The following NOTCH2NLR variants were observed in gnomAD, a reference collection of about 807,000 sequenced individuals.
The protein encoded by NOTCH2NLR is notch 2 N-terminal like R.
NOTCH2NLR carries 33 observed loss-of-function variants against 35.6 expected under a neutral mutation model. The observed-to-expected ratio is 0.93, with a 90% CI of 0.70 to 1.24. The LOEUF (loss-of-function observed/expected upper bound fraction) is 1.24. NOTCH2NLR is among the 50% of genes most tolerant of loss of function. The pLI is 0.00. For synonymous variants in NOTCH2NLR, 103 were observed against 141.0 expected (o/e 0.73, Z 1.91); for missense variants, 276 against 362.2 (o/e 0.76, Z 1.93).
At chr1:120,784,116 A>G (rs1288128710) in intron 2 of NOTCH2NLR, among the ~76,000 whole-genome samples, 1 of 118,296 alleles carries the variant, frequency 8.5e-6, no homozygotes, top group Admixed American at 8.0e-5. Flanking sequence ...GGACCTCATG[A>G]AAGTGTGGGT....
chr1:120,789,586 G>A (rs1258780385), intron 3 of NOTCH2NLR, among the ~76,000 whole-genome samples: 1 of 93,676 alleles, frequency 1.1e-5, no homozygotes, highest in Non-Finnish European at 1.9e-5. Context: ...CCATGATACA[G>A]TTACCCCACT....
chr1:120,790,084 C>T (rs1651467258), intron 3 of NOTCH2NLR, among the ~76,000 whole-genome samples: 1 of 82,626 alleles, frequency 1.2e-5, no homozygotes, highest in South Asian at 3.7e-4. Flanking sequence ...GGCGCAATCT[C>T]GGTTCACTGC....
At chr1:120,752,571 T>C (rs1651035325) in intron 1 of NOTCH2NLR, among the ~76,000 whole-genome samples, 1 of 36,350 alleles carries the variant, frequency 2.8e-5, no homozygotes. Context: ...TTTTTTTTTT[T>C]TTTCTTTTTT....
At chr1:120,769,260 G>T (rs1274214855) in intron 2 of NOTCH2NLR, among the ~76,000 whole-genome samples, 1 of 151,658 alleles carries the variant, frequency 6.6e-6, no homozygotes, top group African/African-American at 2.4e-5. Flanking sequence ...GTTCTGTTGT[G>T]GTGCTTCTCC....
At chr1:120,760,180 CTTTTTTTTTTTT>C (rs1161423259) in intron 1 of NOTCH2NLR, among the ~76,000 whole-genome samples, 1 of 15,172 alleles carries the variant, frequency 6.6e-5, no homozygotes, top group African/African-American at 7.3e-4. Flanking sequence ...TCTACCACAG[CTTTTTTTTTTTT>C]TTTTTTTTTT....
Position 120,781,924 on chromosome 1 carries a change from G to A in NOTCH2NLR, c.156-3050G>A, listed in dbSNP as rs1178258668. ...TATATAAAATGGAGATTATAATATA[G>A]CACTGGAGCGAGTAATACAAGAGAC... On this transcript the variant is annotated intron_variant, in intron 2 of 4. Transcript: ENST00000624419. Among the ~76,000 whole-genome samples the A allele has an allele frequency of 5.8e-3, 632 of 109,630 alleles. 202 individuals carry two copies. The highest frequency in any genetic ancestry group is 0.035 in the African/African-American group (621 of 17,988). The allele number at this position is 109,630 out of a possible 152,430, so 71.9% of individuals were successfully genotyped here.
chr1:120,756,324 C>A (rs1386651501), intron 1 of NOTCH2NLR, among the ~76,000 whole-genome samples: 1 of 116,724 alleles, frequency 8.6e-6, no homozygotes, highest in Admixed American at 8.3e-5. Context: ...GGCGTAAACT[C>A]AGACTTCATC....
chr1:120,781,689 G>A (rs1218852794), intron 2 of NOTCH2NLR, among the ~76,000 whole-genome samples: 2 of 77,034 alleles, frequency 2.6e-5, no homozygotes, highest in South Asian at 7.0e-4. Context: ...TCAGCCTCCC[G>A]AGTAGCTGGG....
At position 120,737,608 on chromosome 1, in the gene NOTCH2NLR, G is replaced by A. The variant is rs1366453554; in HGVS notation, c.73+13358G>A. ...AGGAGTAGAAAGGGTGTTGGGATGG[G>A]AGAGGTGTGGCTATATTTAAAATTT... On this transcript the variant is annotated intron_variant, in intron 1 of 4. Transcript: ENST00000624419. Among the ~76,000 whole-genome samples, 9 of 85,710 alleles carry A rather than the reference G, an allele frequency of 1.1e-4. 1 individual carries two copies. The highest frequency in any genetic ancestry group is 5.4e-4 in the East Asian group (2 of 3,728). 56.2% of individuals were successfully genotyped at this position (85,710 alleles called of 152,430 possible). A position where few individuals can be genotyped will look rare whatever the true frequency, so the allele number is the denominator to read the frequency against.
intron 1 of NOTCH2NLR, among the ~76,000 whole-genome samples, chr1:120,730,694 T>C (rs1650866437): frequency 1.1e-5 from 1 of 93,608 alleles, no homozygotes; most frequent in Admixed American, 1.0e-4. Flanking sequence ...AGCCATAGCT[T>C]GGAATAAGAA....
In NOTCH2NLR at chr1:120,727,894, A is replaced by T. The variant is rs1402181817; in HGVS notation, c.73+3644A>T. 2.5e-5 allele frequency among the ~76,000 whole-genome samples: 3 copies of T among 118,142 alleles called. No individual in the cohort carries two copies. The East Asian group carries it at 6.2e-4, about 25-fold the overall frequency. 77.5% of individuals were successfully genotyped at this position (118,142 alleles called of 152,430 possible). On this transcript the variant is annotated intron_variant, in intron 1 of 4. Coordinates refer to ENST00000624419, the Ensembl canonical transcript of NOTCH2NLR. ...ACCATATGTGTAGTATTTTGGACAG[A>T]TCACTGAACTAGGAGCCAGAAGACC...
intron 1 of NOTCH2NLR, among the ~76,000 whole-genome samples, chr1:120,756,296 C>A: frequency 8.6e-6 from 1 of 115,716 alleles, no homozygotes; most frequent in Middle Eastern, 3.8e-3. Context: ...CAGCAGCCAA[C>A]CACAGCCAAG....
At position 120,727,910 on chromosome 1, in the gene NOTCH2NLR, C is replaced by G. The variant is rs1471016410; in HGVS notation, c.73+3660C>G. On this transcript the variant is annotated intron_variant, in intron 1 of 4. Transcript: ENST00000624419. ...TTTGGACAGATCACTGAACTAGGAG[C>G]CAGAAGACCAGAATTCTTCTCCAGG... 5.6e-4 allele frequency among the ~76,000 whole-genome samples: 66 copies of G among 118,116 alleles called. 23 individuals are homozygous for G. Among genetic ancestry groups the G allele is most frequent in the African/African-American group, 2.9e-3 (62 of 21,206 alleles). The allele number at this position is 118,116 out of a possible 152,430, so 77.5% of individuals were successfully genotyped here.
chr1:120,763,921 A>T (rs1651160415), intron 2 of NOTCH2NLR, among the ~76,000 whole-genome samples: 2 of 106,300 alleles, frequency 1.9e-5, no homozygotes, highest in South Asian at 5.7e-4. Context: ...CTTTCTCACT[A>T]TGAAAAAGAC....
chr1:120,724,433 C>T lies in NOTCH2NLR; in HGVS notation c.73+183C>T, dbSNP rs1395379612. 2.5e-5 allele frequency among the ~76,000 whole-genome samples: 3 copies of T among 120,588 alleles called. 1 individual carries two copies. The South Asian group carries it at 7.1e-4, about 28-fold the overall frequency. 79.1% of individuals were successfully genotyped at this position (120,588 alleles called of 152,430 possible). A position where few individuals can be genotyped will look rare whatever the true frequency, so the allele number is the denominator to read the frequency against. On this transcript the variant is annotated intron_variant, in intron 1 of 4. Coordinates refer to ENST00000624419, the Ensembl canonical transcript of NOTCH2NLR. ...GGGGGCCCCTCCCGTGGTGCCCCGC[C>T]AACCGCTGGGGTTCCCCGCCGCCTC...
chr1:120,755,901 T>A (rs1228077780), intron 1 of NOTCH2NLR, among the ~76,000 whole-genome samples: 1 of 88,662 alleles, frequency 1.1e-5, no homozygotes, highest in Non-Finnish European at 2.0e-5. Flanking sequence ...TGGAACACTA[T>A]TAGGAAAACA....
At chr1:120,790,718 G>T (rs1651483275) in intron 3 of NOTCH2NLR, among the ~76,000 whole-genome samples, 2 of 111,276 alleles carry the variant, frequency 1.8e-5, no homozygotes, top group Admixed American at 1.7e-4. Context: ...TTGTGCCTCA[G>T]CCTCCCAGGT....
rs1254917213 is a variant in NOTCH2NLR at position 120,790,773 on chromosome 1, T to A, written c.416-2388T>A. Among the ~76,000 whole-genome samples the A allele has an allele frequency of 8.3e-5, 9 of 107,986 alleles. 1 individual carries two copies. Among genetic ancestry groups the A allele is most frequent in the Middle Eastern group, 7.9e-3 (2 of 252 alleles). The allele number at this position is 107,986 out of a possible 152,430, so 70.8% of individuals were successfully genotyped here. A position where few individuals can be genotyped will look rare whatever the true frequency, so the allele number is the denominator to read the frequency against. ...CGCTATGAAGCCCGGCTAATTTTTG[T>A]ATTTTTAGAAAAGATGGCGTTTCAC... On this transcript the variant is annotated intron_variant, in intron 3 of 4. Transcript: ENST00000624419.
rs1309801613 is a variant in NOTCH2NLR at position 120,730,577 on chromosome 1, T to A, written c.73+6327T>A. ...GTAGTGGTAGGAGGTTTGCCGTAGA[T>A]CTGTTTTTTCTCCTGTCTCACTTTT... On this transcript the variant is annotated intron_variant, in intron 1 of 4. Coordinates refer to ENST00000624419, the Ensembl canonical transcript of NOTCH2NLR. 3.5e-5 allele frequency among the ~76,000 whole-genome samples: 4 copies of A among 113,240 alleles called. 1 individual carries two copies. Among genetic ancestry groups the A allele is most frequent in the African/African-American group, 2.2e-4 (4 of 18,444 alleles). The allele number at this position is 113,240 out of a possible 152,430, so 74.3% of individuals were successfully genotyped here. A position where few individuals can be genotyped will look rare whatever the true frequency, so the allele number is the denominator to read the frequency against.
Sources: gnomAD v4.1 joint callset for allele counts (sites outside exome capture counted in the v4.1 genomes callset) on GRCh38, gnomAD v4.1.1 for gene constraint, MANE v1.5 for transcripts, NCBI Gene and HGNC (gene_info 2026-07-23, HGNC 2026-07-21) for gene names.